FRYL: variants seen among roughly 807,000 people sequenced by gnomAD.
FRYL encodes the protein FRY like transcription coactivator.
A neutral mutation model predicts 351.2 loss-of-function variants in FRYL; 150 were observed. The observed-to-expected ratio is 0.43, with a 90% CI of 0.37 to 0.49. The LOEUF (loss-of-function observed/expected upper bound fraction) is 0.49, where lower values mean the gene tolerates loss of function less well. Among genes scored for constraint, FRYL ranks in the 20% least tolerant of loss-of-function variants. The pLI is 0.00. For missense variants in FRYL, 3,036 were observed against 3,619.3 expected, an observed-to-expected ratio of 0.84 and a Z score of 4.13; for synonymous variants, 1,153 against 1,257.1, an observed-to-expected ratio of 0.92 and a Z score of 1.75.
chr4:48,720,567 T>C (rs1428591133), intron 1 of FRYL, among the ~76,000 whole-genome samples: 2 of 152,150 alleles, frequency 1.3e-5, no homozygotes, highest in Non-Finnish European at 2.9e-5. Flanking sequence ...ATTCACACTG[T>C]TGGGCAACCA....
intron 2 of FRYL, among the ~76,000 whole-genome samples, chr4:48,693,002 A>T (rs1225887102): frequency 6.6e-6 from 1 of 152,220 alleles, no homozygotes; most frequent in Non-Finnish European, 1.5e-5. Flanking sequence ...TTGCTATTTC[A>T]AATGGTATGA....
chr4:48,693,909 T>C (rs1366431417), intron 2 of FRYL, among the ~76,000 whole-genome samples: 1 of 152,236 alleles, frequency 6.6e-6, no homozygotes, highest in Non-Finnish European at 1.5e-5. Flanking sequence ...CCAAATTCTC[T>C]TGGTGACTAA....
intron 3 of FRYL, among the ~76,000 whole-genome samples, chr4:48,664,390 G>A (rs1761361324): frequency 6.6e-6 from 1 of 152,204 alleles, no homozygotes; most frequent in Non-Finnish European, 1.5e-5. Context: ...TAGTAATTAG[G>A]AAGAAGGCAG....
At chr4:48,586,525 C>T in intron 19 of FRYL, 96 bp downstream of exon 19, 1 of 776,680 alleles carries the variant, frequency 1.3e-6, no homozygotes, top group Non-Finnish European at 2.2e-6. Flanking sequence ...ATGTCTTTAA[C>T]ATCGCCTTTT....
Position 48,502,860 on chromosome 4 carries a change from G to T in FRYL, c.8464-15C>A. The T allele has an allele frequency of 6.2e-7, 1 of 1,605,572 alleles. No homozygotes were observed. Among genetic ancestry groups the T allele is most frequent in the South Asian group, 1.1e-5 (1 of 90,444 alleles). On this transcript the variant is annotated splice_polypyrimidine_tract_variant and intron_variant, in intron 60 of 63. Transcript: ENST00000358350. ...ATTTCCATTTGCTAAGCAAGAAGGT[G>T]ATCAGGTCACAAAAAATACAAAGGA...
chr4:48,521,104 C>G lies in FRYL; in HGVS notation c.7633G>C (p.Asp2545His). The change falls in exon 55 of 64, where the codon GAT becomes CAT. Residue 2545 changes from aspartate to histidine, a missense_variant. Coordinates refer to ENST00000358350, the MANE Select transcript of FRYL (RefSeq NM_015030.2). ...ITTEEVLQIR[D>H]ETPTLEASLD... ...GAAGCCTCCAAAGTTGGGGTCTCATCCCTGATTTGAAGCACTTCCTCTGTT... is the reference window on the plus strand; with the variant it reads ...GAAGCCTCCAAAGTTGGGGTCTCATGCCTGATTTGAAGCACTTCCTCTGTT... The G allele has an allele frequency of 6.2e-7, 1 of 1,613,732 alleles. No homozygotes were observed. Among genetic ancestry groups the G allele is most frequent in the Admixed American group, 1.7e-5 (1 of 59,998 alleles).
chr4:48,669,208 G>A (rs1762247206), intron 3 of FRYL, among the ~76,000 whole-genome samples: 1 of 151,468 alleles, frequency 6.6e-6, no homozygotes, highest in Non-Finnish European at 1.5e-5. Flanking sequence ...CTTTCCTTTT[G>A]CTTCTTAAGT....
rs187304652 is a variant in FRYL at position 48,603,985 on chromosome 4, T to A, written c.835-597A>T. Among the ~76,000 whole-genome samples, 347 of 152,310 alleles carry A rather than the reference T, an allele frequency of 2.3e-3. 2 individuals are homozygous for A. Among genetic ancestry groups the A allele is most frequent in the African/African-American group, 7.7e-3 (319 of 41,572 alleles). On this transcript the variant is annotated intron_variant, in intron 11 of 63. Transcript: ENST00000358350. ...ATGTGGTGGTCTTCCCTAATCATAC[T>A]CTTTTTAAAATTTCAACTCCCTCAC...
At chr4:48,508,994 G>GT (rs1721903536) in intron 59 of FRYL, among the ~76,000 whole-genome samples, 1 of 152,176 alleles carries the variant, frequency 6.6e-6, no homozygotes, top group African/African-American at 2.4e-5. Flanking sequence ...GCAAAGGGGT[G>GT]TGGCGACAAG....
chr4:48,693,622 T>TA (rs78951413), intron 2 of FRYL, among the ~76,000 whole-genome samples: 247 of 137,146 alleles, frequency 1.8e-3, no homozygotes, highest in Middle Eastern at 7.4e-3. Flanking sequence ...TTCAGCGATT[T>TA]AAAAAAAAAA....
Position 48,501,707 on chromosome 4 carries a change from G to A in FRYL, c.8508C>T (p.Tyr2836=), listed in dbSNP as rs1316564598. The A allele has an allele frequency of 3.7e-6, 6 of 1,606,634 alleles. No homozygotes were observed. The highest frequency in any genetic ancestry group is 3.4e-6 in the Non-Finnish European group (4 of 1,173,778). Residue 2836 remains tyrosine (Y), a synonymous_variant, in exon 62 of 64, where the codon TAC becomes TAT. Transcript: ENST00000358350. ...LAELELCRRL[Y]KLHFQLLLLF... Reference sequence around the variant, plus strand: ...GAAGCAGCAATTGAAAATGCAATTTGTATAATCTTCGGCAGAGCTCCAATT... The same window carrying A: ...GAAGCAGCAATTGAAAATGCAATTTATATAATCTTCGGCAGAGCTCCAATT...
At chr4:48,712,407 A>G (rs898133943) in intron 1 of FRYL, among the ~76,000 whole-genome samples, 1 of 152,232 alleles carries the variant, frequency 6.6e-6, no homozygotes, top group African/African-American at 2.4e-5. Flanking sequence ...AGGCTCGAGA[A>G]CTACATGAAG....
chr4:48,580,987 G>C (rs1167527390), intron 21 of FRYL, 36 bp from the exon 22 acceptor site: 8 of 1,394,572 alleles, frequency 5.7e-6, no homozygotes, highest in East Asian at 2.3e-5. Flanking sequence ...AAAAAATTAG[G>C]AATGTTTAAG....
chr4:48,656,325 A>ATACTAAATATATTATATAATATG (rs1759019554), intron 3 of FRYL, among the ~76,000 whole-genome samples: 1 of 127,810 alleles, frequency 7.8e-6, no homozygotes, highest in Non-Finnish European at 1.6e-5. Context: ...TACATAATAT[A>ATACTAAATATATTATATAATATG]TACTAAATAT....
intron 19 of FRYL, among the ~76,000 whole-genome samples, chr4:48,585,997 T>C (rs1742017512): frequency 6.6e-6 from 1 of 152,218 alleles, no homozygotes; most frequent in South Asian, 2.1e-4. Flanking sequence ...TACTATCTGG[T>C]ACTTTCCAGA....
rs553467960 is a variant in FRYL, at chr4:48,620,639, C to G, written c.314G>C (p.Gly105Ala). Residue 105 changes from glycine to alanine, a missense_variant and splice_region_variant, in exon 6 of 64, where the codon GGG (glycine) becomes GCG (alanine). Transcript: ENST00000358350. ...AAACAGTGTAAAATAAAGCACTTAC[C>G]CCTTAGACTTTGTGCTAGACCGAGG... is the stretch of plus-strand genomic sequence containing the variant. ...YRPRSSTKSK[G>A]DEQQRERDYL... 1 of 1,611,388 alleles carries G rather than the reference C, an allele frequency of 6.2e-7. No individual in the cohort carries two copies. Among genetic ancestry groups the G allele is most frequent in the African/African-American group, 1.3e-5 (1 of 74,948 alleles).
At position 48,550,762 on chromosome 4, in the gene FRYL, T is replaced by A; in HGVS notation, c.4521-58A>T. ...TCACGGTGCAATGGTATTTATACTT[T>A]ATGTTTCACTTTCTCTGTTTAAAAA... is the stretch of plus-strand genomic sequence containing the variant. On this transcript the variant is annotated intron_variant, in intron 37 of 63. Coordinates refer to ENST00000358350, the MANE Select transcript of FRYL (RefSeq NM_015030.2). The A allele has an allele frequency of 1.7e-5, 20 of 1,190,586 alleles. No individual in the cohort carries two copies. In the South Asian group the frequency reaches 2.5e-4, roughly 15 times the overall value. 73.8% of individuals were successfully genotyped at this position (1,190,586 alleles called of 1,614,324 possible).
chr4:48,731,870 A>T (rs1212362364), intron 1 of FRYL, among the ~76,000 whole-genome samples: 1 of 152,222 alleles, frequency 6.6e-6, no homozygotes, highest in Non-Finnish European at 1.5e-5. Flanking sequence ...GGACATAGGC[A>T]TGGGCAAAAT....
intron 3 of FRYL, among the ~76,000 whole-genome samples, chr4:48,680,378 G>C (rs1764428479): frequency 6.6e-6 from 1 of 151,730 alleles, no homozygotes; most frequent in Admixed American, 6.6e-5. Flanking sequence ...TATGCAAGCT[G>C]ATGTTTATCC....
Sources: gnomAD v4.1 joint callset for allele counts (sites outside exome capture counted in the v4.1 genomes callset) on GRCh38, gnomAD v4.1.1 for gene constraint, MANE v1.5 for transcripts, NCBI Gene and HGNC (gene_info 2026-07-23, HGNC 2026-07-21) for gene names.